The following CTPS2 variants were observed in gnomAD, a reference collection of about 807,000 sequenced individuals.
CTPS2 encodes CTP synthase II.
In CTPS2, 19 loss-of-function variants were observed where a neutral mutation model predicts 46.8. That is an observed-to-expected ratio of 0.41 (90% CI 0.28 to 0.60). CTPS2 has a LOEUF of 0.60. CTPS2 is among the 20% of genes least tolerant of loss of function. The pLI, the probability that CTPS2 is intolerant of heterozygous loss-of-function variation, is 0.35. For synonymous variants in CTPS2, 151 were observed against 165.2 expected (o/e 0.91, Z 0.66); for missense variants, 286 against 447.6 (o/e 0.64, Z 3.26).
intron 13 of CTPS2, among the ~76,000 whole-genome samples, chrX:16,656,097 T>C (rs1602210140): frequency 8.9e-6 from 1 of 112,100 alleles, no homozygotes; most frequent in African/African-American, 3.2e-5. Context: ...TCTCTCAACC[T>C]TTCCTAAGCC....
At chrX:16,613,433 T>C (rs1341489517) in intron 16 of CTPS2, among the ~76,000 whole-genome samples, 1 of 111,734 alleles carries the variant, frequency 8.9e-6, no homozygotes, top group Non-Finnish European at 1.9e-5. Context: ...GTTCTAGGGA[T>C]GGCAGTGCAA....
chrX:16,647,213 C>T (rs1932360209), intron 13 of CTPS2, among the ~76,000 whole-genome samples: 1 of 104,770 alleles, frequency 9.5e-6, no homozygotes, highest in African/African-American at 3.6e-5. Flanking sequence ...CTAGCATTCG[C>T]TACAAGTATA....
rs779406896 is a variant in CTPS2 at position 16,710,706 on chromosome X, C to T, written c.-40+1629G>A. 7.2e-5 allele frequency among the ~76,000 whole-genome samples: 8 copies of T among 111,504 alleles called. No homozygotes were observed. The South Asian group carries it at 2.6e-3, about 36-fold the overall frequency. ...CGATCTGGGCTCACTGCAACCTCCG[C>T]CTCCCGGGTTCAAGCAATTCTCCTG... is the stretch of plus-strand genomic sequence containing the variant. On this transcript the variant is annotated intron_variant, in intron 1 of 18. Transcript: ENST00000359276.
At chrX:16,688,471 A>G (rs1425846021) in intron 8 of CTPS2, among the ~76,000 whole-genome samples, 2 of 104,721 alleles carry the variant, frequency 1.9e-5, no homozygotes, top group Non-Finnish European at 3.9e-5. Flanking sequence ...GGGTCTCGCT[A>G]TGTTGCTCAG....
At chrX:16,674,627 A>G (rs779755586) in intron 10 of CTPS2, among the ~76,000 whole-genome samples, 24 of 105,596 alleles carry the variant, frequency 2.3e-4, no homozygotes, top group Admixed American at 1.9e-3. Flanking sequence ...TCACGAGGTC[A>G]GGAGATCGAG....
intron 13 of CTPS2, among the ~76,000 whole-genome samples, chrX:16,659,064 A>G (rs748124021): frequency 9.0e-6 from 1 of 111,667 alleles, no homozygotes; most frequent in Admixed American, 9.5e-5. Flanking sequence ...TTCCCAACCA[A>G]CGTTAGTCTA....
chrX:16,668,826 G>C (rs1255586393), intron 11 of CTPS2, among the ~76,000 whole-genome samples: 1 of 110,076 alleles, frequency 9.1e-6, no homozygotes. Flanking sequence ...AAGAAGGAAA[G>C]AAAGAGGCAG....
chrX:16,686,953 G>A (rs1490508586), intron 8 of CTPS2, among the ~76,000 whole-genome samples: 6 of 110,669 alleles, frequency 5.4e-5, no homozygotes, highest in African/African-American at 2.0e-4. Context: ...CAAGATTGGA[G>A]TGATGTGGCC....
At chrX:16,675,252 A>T (rs1922175241) in intron 10 of CTPS2, among the ~76,000 whole-genome samples, 1 of 100,818 alleles carries the variant, frequency 9.9e-6, no homozygotes, top group South Asian at 4.8e-4. Flanking sequence ...TCGGTGACAG[A>T]GCAAGAGACT....
chrX:16,590,763 G>A lies in CTPS2; in HGVS notation c.*30C>T. On this transcript the variant is annotated 3_prime_UTR_variant, in exon 18 of 19. Transcript: ENST00000359276. ...AGATTCCATCTTACCCTCACAGGCA[G>A]TCCCCATTATTCCCAGTCATGTATT... 1 of 1,052,426 alleles carries A rather than the reference G, an allele frequency of 9.5e-7. No individual in the cohort carries two copies. Among genetic ancestry groups the A allele is most frequent in the Non-Finnish European group, 1.3e-6 (1 of 754,547 alleles). The allele number at this position is 1,052,426 out of a possible 1,213,427, so 86.7% of individuals were successfully genotyped here.
chrX:16,645,603 G>A (rs932361073), intron 13 of CTPS2, among the ~76,000 whole-genome samples: 4 of 112,210 alleles, frequency 3.6e-5, no homozygotes, highest in African/African-American at 1.3e-4. Context: ...GGAAATCAAT[G>A]AGCAGTCCCA....
At chrX:16,647,999 G>A (rs1268482768) in intron 13 of CTPS2, among the ~76,000 whole-genome samples, 1 of 111,281 alleles carries the variant, frequency 9.0e-6, no homozygotes, top group Non-Finnish European at 1.9e-5. Flanking sequence ...CTACTCGGGA[G>A]GCTGAGGTAG....
intron 14 of CTPS2, 47 bp from the exon 15 acceptor site, chrX:16,620,379 C>T (rs778957427): frequency 2.0e-6 from 2 of 978,750 alleles, no homozygotes; most frequent in African/African-American, 1.9e-5. Flanking sequence ...AGCAGCTTCA[C>T]AAGCACATCC....
Position 16,596,906 on chromosome X carries a change from T to A in CTPS2, c.1692-6044A>T, listed in dbSNP as rs1230444228. On this transcript the variant is annotated intron_variant, in intron 17 of 18. Transcript: ENST00000359276. ...CCATTCTAACTGGTGTGAGATGATA[T>A]CTCATTGTGGTTTTGATTTGCATTT... Among the ~76,000 whole-genome samples the A allele has an allele frequency of 2.8e-5, 3 of 105,744 alleles. No individual in the cohort carries two copies. The East Asian group carries it at 8.8e-4, about 31-fold the overall frequency. 91.8% of individuals were successfully genotyped at this position (105,744 alleles called of 115,157 possible). A position where few individuals can be genotyped will look rare whatever the true frequency, so the allele number is the denominator to read the frequency against.
chrX:16,690,051 CA>C (rs1179432818), intron 7 of CTPS2, among the ~76,000 whole-genome samples: 101 of 88,345 alleles, frequency 1.1e-3, no homozygotes, highest in South Asian at 6.1e-3. Context: ...GACTGTATCT[CA>C]AAAAAAAAAA....
rs749774063 is a variant in CTPS2, at chrX:16,679,069, T to C, written c.1006-619A>G. On this transcript the variant is annotated intron_variant, in intron 9 of 18. Coordinates refer to ENST00000359276, the MANE Select transcript of CTPS2 (RefSeq NM_175859.3). ...GAGGAGGGGAGAAGGGTATGAAATC[T>C]CCAGCAGGCCGGGCGCATTGGCTCA... Among the ~76,000 whole-genome samples the C allele has an allele frequency of 2.9e-3, 318 of 110,523 alleles. 2 individuals are homozygous for C. Among genetic ancestry groups the C allele is most frequent in the African/African-American group, 0.01 (314 of 30,434 alleles).
intron 14 of CTPS2, among the ~76,000 whole-genome samples, chrX:16,624,380 G>A (rs1484319412): frequency 9.0e-6 from 1 of 111,641 alleles, no homozygotes; most frequent in East Asian, 2.8e-4. Context: ...AATTCTATTT[G>A]AGAACATCCC....
At chrX:16,607,082 A>G (rs999846114) in intron 17 of CTPS2, among the ~76,000 whole-genome samples, 6 of 112,965 alleles carry the variant, frequency 5.3e-5, no homozygotes, top group African/African-American at 1.9e-4. Context: ...ACCACCCGCC[A>G]TGCGGGAATT....
At chrX:16,685,400 C>A (rs1923095862) in intron 8 of CTPS2, among the ~76,000 whole-genome samples, 1 of 111,180 alleles carries the variant, frequency 9.0e-6, no homozygotes, top group Admixed American at 9.6e-5. Flanking sequence ...TCTCATTCCC[C>A]CTTGGACCTG....
Sources: gnomAD v4.1 joint callset for allele counts (sites outside exome capture counted in the v4.1 genomes callset) on GRCh38, gnomAD v4.1.1 for gene constraint, MANE v1.5 for transcripts, NCBI Gene and HGNC (gene_info 2026-07-23, HGNC 2026-07-21) for gene names.